Variants in PHLPP1 observed in about 807,000 individuals in gnomAD.
PHLPP1 encodes the protein PH domain leucine-rich repeat-containing protein phosphatase 1.
In PHLPP1, 42 loss-of-function variants were observed where a neutral mutation model predicts 117.2. The ratio of observed to expected loss-of-function variants is 0.36; its 90% CI spans 0.28 to 0.46. The LOEUF is 0.46. PHLPP1 is among the 20% of genes least tolerant of loss of function. The probability of loss-of-function intolerance (pLI) is 1.00; values close to 1 mark genes in which losing one functional copy is unlikely to be tolerated. For missense variants in PHLPP1, 2,084 were observed against 2,241.9 expected, an observed-to-expected ratio of 0.93 and a Z score of 1.42; for synonymous variants, 1,042 against 970.7, an observed-to-expected ratio of 1.07 and a Z score of -1.37.
intron 1 of PHLPP1, among the ~76,000 whole-genome samples, chr18:62,732,445 T>C (rs907608701): frequency 6.6e-6 from 1 of 152,180 alleles, no homozygotes; most frequent in South Asian, 2.1e-4. Flanking sequence ...TGAGACCTAC[T>C]GCTCAGAAAA....
At chr18:62,824,000 C>T (rs192331157) in intron 1 of PHLPP1, among the ~76,000 whole-genome samples, 42 of 152,010 alleles carry the variant, frequency 2.8e-4, no homozygotes, top group African/African-American at 9.2e-4. Context: ...GGCGTGGTGG[C>T]GGTTGCCTGT....
intron 8 of PHLPP1, among the ~76,000 whole-genome samples, chr18:62,914,338 T>C (rs1203324137): frequency 6.6e-6 from 1 of 152,194 alleles, no homozygotes; most frequent in Non-Finnish European, 1.5e-5. Flanking sequence ...TTGGCATAGG[T>C]CTATAGACCC....
intron 1 of PHLPP1, among the ~76,000 whole-genome samples, chr18:62,803,624 C>T (rs1036591784): frequency 2.6e-5 from 4 of 152,062 alleles, no homozygotes; most frequent in Admixed American, 6.5e-5. Context: ...TTTCTTTTTC[C>T]TACCTAATTA....
chr18:62,804,199 A>ATT, intron 1 of PHLPP1, among the ~76,000 whole-genome samples: 1 of 152,290 alleles, frequency 6.6e-6, no homozygotes, highest in Non-Finnish European at 1.5e-5. Context: ...TGAAACCATC[A>ATT]GATCTCATGA....
chr18:62,866,627 CATA>C (rs1915777770), intron 4 of PHLPP1, among the ~76,000 whole-genome samples: 1 of 152,092 alleles, frequency 6.6e-6, no homozygotes, highest in Non-Finnish European at 1.5e-5. Context: ...TTGAGTATTT[CATA>C]ATAATCCAAA....
chr18:62,769,712 T>C (rs1203093602), intron 1 of PHLPP1, among the ~76,000 whole-genome samples: 1 of 152,206 alleles, frequency 6.6e-6, no homozygotes, highest in African/African-American at 2.4e-5. Flanking sequence ...TTAATAAGAA[T>C]TTAAGCATAG....
intron 4 of PHLPP1, among the ~76,000 whole-genome samples, chr18:62,883,905 A>T (rs190642768): frequency 6.6e-6 from 1 of 152,286 alleles, no homozygotes; most frequent in East Asian, 1.9e-4. Flanking sequence ...AAAATCTTTG[A>T]ATTTTCAGAG....
At chr18:62,886,160 GTGTTAGTAA>G (rs1916283779) in intron 4 of PHLPP1, among the ~76,000 whole-genome samples, 1 of 152,184 alleles carries the variant, frequency 6.6e-6, no homozygotes, top group Non-Finnish European at 1.5e-5. Context: ...AATTAAAGCA[GTGTTAGTAA>G]TTTAATAGTG....
At chr18:62,840,438 A>G (rs922993193) in intron 3 of PHLPP1, among the ~76,000 whole-genome samples, 3 of 152,246 alleles carry the variant, frequency 2.0e-5, no homozygotes, top group Non-Finnish European at 2.9e-5. Context: ...TATTAGAAGT[A>G]TACTTGTCTG....
In PHLPP1 at chr18:62,717,166, G is replaced by T; in HGVS notation, c.1483G>T (p.Asp495Tyr). The change falls in exon 1 of 17, where the codon GAC (aspartate) becomes TAC (tyrosine). Residue 495 changes from aspartate (D) to tyrosine (Y), a missense_variant. By Grantham distance (160) the Asp-to-Tyr change is radical (BLOSUM62 -3). Around this residue, in one of 2 missense-constraint regions of PHLPP1, gnomAD observed 1,365 missense variants for 1,605.9 expected, o/e 0.85. Coordinates refer to ENST00000262719, the MANE Select transcript of PHLPP1 (RefSeq NM_194449.4). ...AEEKPLQIQN[D>Y]YLFQLGFGEL... ...GGAGAAGCCATTGCAGATCCAAAAT[G>T]ACTACCTCTTCCAACTGGGATTTGG... 1 of 1,611,022 alleles carries T rather than the reference G, an allele frequency of 6.2e-7. No individual in the cohort carries two copies. Among genetic ancestry groups the T allele is most frequent in the South Asian group, 1.1e-5 (1 of 90,784 alleles).
chr18:62,778,981 C>T (rs1913044107), intron 1 of PHLPP1, among the ~76,000 whole-genome samples: 1 of 152,204 alleles, frequency 6.6e-6, no homozygotes, highest in Non-Finnish European at 1.5e-5. Context: ...GAGTAATAAA[C>T]TCAGAGGCTA....
At chr18:62,769,110 G>A (rs1171672993) in intron 1 of PHLPP1, among the ~76,000 whole-genome samples, 1 of 152,148 alleles carries the variant, frequency 6.6e-6, no homozygotes, top group Non-Finnish European at 1.5e-5. Context: ...AAATTATTAA[G>A]AACTGCTCAT....
rs540003966 is a variant in PHLPP1 at position 62,868,547 on chromosome 18, G to C, written c.2066+7946G>C. Among the ~76,000 whole-genome samples, 18 of 151,690 alleles carry C rather than the reference G, an allele frequency of 1.2e-4. No individual in the cohort carries two copies. In the South Asian group the frequency reaches 2.7e-3, roughly 23 times the overall value. On this transcript the variant is annotated intron_variant, in intron 4 of 16. Coordinates refer to ENST00000262719, the MANE Select transcript of PHLPP1 (RefSeq NM_194449.4). ...TAAGGCAAGAGAATCGCTTGAACCT[G>C]GGAGGCAGAGGTTGCAGTGAGCTGA...
At position 62,922,116 on chromosome 18, in the gene PHLPP1, T is replaced by TTTTGTTTG. The variant is rs143839117; in HGVS notation, c.2960+2030_2960+2037dup. Among the ~76,000 whole-genome samples the TTTTGTTTG allele has an allele frequency of 7.3e-3, 1,105 of 151,392 alleles. 20 individuals carry two copies. Among genetic ancestry groups the TTTTGTTTG allele is most frequent in the African/African-American group, 0.025 (1,023 of 41,178 alleles). Reference sequence around the variant, plus strand: ...AATTCTTGTTTTTTGGTTTTGGGTTTTTTGTTTGTTTGTTTGTTTGTTTGT... The same window carrying TTTTGTTTG: ...AATTCTTGTTTTTTGGTTTTGGGTTTTTTGTTTGTTTGTTTGTTTGTTTGTTTGTTTGT... On this transcript the variant is annotated intron_variant, in intron 10 of 16. Transcript: ENST00000262719.
At chr18:62,818,881 T>C (rs1035587033) in intron 1 of PHLPP1, among the ~76,000 whole-genome samples, 31 of 152,348 alleles carry the variant, frequency 2.0e-4, no homozygotes, top group African/African-American at 7.5e-4. Context: ...ATTTCCATGC[T>C]GTAAATACAG....
At chr18:62,758,719 A>C (rs1359302882) in intron 1 of PHLPP1, among the ~76,000 whole-genome samples, 5 of 152,222 alleles carry the variant, frequency 3.3e-5, no homozygotes, top group Non-Finnish European at 5.9e-5. Flanking sequence ...GCATGTGGAA[A>C]ACCCGTGCCA....
intron 1 of PHLPP1, among the ~76,000 whole-genome samples, chr18:62,769,371 C>T (rs1426073160): frequency 6.6e-6 from 1 of 152,002 alleles, no homozygotes; most frequent in Non-Finnish European, 1.5e-5. Flanking sequence ...AAGTATTGAC[C>T]AAGTGAAAAA....
intron 1 of PHLPP1, among the ~76,000 whole-genome samples, chr18:62,750,711 C>T (rs1037770618): frequency 1.3e-5 from 2 of 150,030 alleles, no homozygotes; most frequent in Admixed American, 6.6e-5. Flanking sequence ...GGTGAATTTC[C>T]TAGTTGTTTT....
Position 62,941,568 on chromosome 18 carries a change from CT to C in PHLPP1, c.2961-148del. On this transcript the variant is annotated intron_variant, in intron 10 of 16. Transcript: ENST00000262719. ...AGTTAGTGAATCACAGATACAAATA[CT>C]TGCTAATTGAACTCCTTGAAGCCAG... 7 of 612,654 alleles carry C rather than the reference CT, an allele frequency of 1.1e-5. No individual in the cohort carries two copies. In the South Asian group the frequency reaches 1.5e-4, roughly 13 times the overall value. The allele number at this position is 612,654 out of a possible 1,614,324, so 38.0% of individuals were successfully genotyped here. A position where few individuals can be genotyped will look rare whatever the true frequency, so the allele number is the denominator to read the frequency against.
Sources: allele counts gnomAD v4.1 joint callset (sites outside exome capture counted in the v4.1 genomes callset), GRCh38; gene constraint gnomAD v4.1.1; regional missense constraint gnomAD v4.1.1; transcripts MANE v1.5; gene names NCBI Gene and HGNC (gene_info 2026-07-23, HGNC 2026-07-21).